The following JHY variants were observed in gnomAD, a reference collection of about 807,000 sequenced individuals.
JHY encodes the protein junctional cadherin complex regulator.
JHY carries 69 observed loss-of-function variants against 78.0 expected under a neutral mutation model. The ratio of observed to expected loss-of-function variants is 0.88; its 90% confidence interval spans 0.73 to 1.08. The LOEUF (loss-of-function observed/expected upper bound fraction) is 1.08, where lower values mean the gene tolerates loss of function less well. Among genes scored for constraint, JHY ranks in the 50% least tolerant of loss-of-function variants. The pLI is 0.00. For missense variants in JHY, 944 were observed against 927.8 expected, an observed-to-expected ratio of 1.02 and a Z score of -0.23; for synonymous variants, 368 against 342.6, an observed-to-expected ratio of 1.07 and a Z score of -0.82.
At chr11:122,937,853 T>C (rs1444616288) in intron 5 of JHY, among the ~76,000 whole-genome samples, 1 of 152,168 alleles carries the variant, frequency 6.6e-6, no homozygotes, top group Non-Finnish European at 1.5e-5. Context: ...CTTGCTGAAA[T>C]TATCTTTCTT....
At chr11:122,940,034 T>TA (rs201842639) in intron 5 of JHY, among the ~76,000 whole-genome samples, 15,553 of 143,782 alleles carry the variant, frequency 0.11, 822 homozygotes, top group East Asian at 0.19. Context: ...TCCCTTTAAT[T>TA]AAAAAAAAAA....
chr11:122,883,159 C>A lies in JHY; in HGVS notation c.-90+187C>A, dbSNP rs1432538887. ...AGGCCGCGACAAGGGGCTGGGGGGC[C>A]GCCATGCGAGGCTTCGGCGCCCGGG... On this transcript the variant is annotated intron_variant, in intron 1 of 8. Transcript: ENST00000227349. This position sits in a 1 kb window ranked among gnomAD's most constrained non-coding sequence, Gnocchi z 4.4. Among the ~76,000 whole-genome samples the A allele has an allele frequency of 6.6e-6, 1 of 152,068 alleles. No individual in the cohort carries two copies. The highest frequency in any genetic ancestry group is 1.5e-5 in the Non-Finnish European group (1 of 68,000).
intron 2 of JHY, among the ~76,000 whole-genome samples, chr11:122,900,902 G>A (rs1266315808): frequency 1.3e-5 from 2 of 152,186 alleles, no homozygotes; most frequent in African/African-American, 4.8e-5. Flanking sequence ...AGATAAAACC[G>A]TGCTTTCCCC....
intron 6 of JHY, among the ~76,000 whole-genome samples, chr11:122,951,136 T>G (rs562132883): frequency 6.6e-6 from 1 of 152,158 alleles, no homozygotes; most frequent in Non-Finnish European, 1.5e-5. Context: ...TCCAAGAGAA[T>G]CGCCCTGAAT....
intron 6 of JHY, among the ~76,000 whole-genome samples, chr11:122,948,215 G>A (rs1358333443): frequency 3.3e-5 from 5 of 151,920 alleles, no homozygotes; most frequent in African/African-American, 1.2e-4. Context: ...AGGCTGAGGT[G>A]TGTGGATCAC....
rs774260710 is a variant in JHY, at chr11:122,942,339, CT to C, written c.1635-4158del. Reference sequence around the variant, plus strand: ...TTCCTCTATGTTTTGGTTTTGTTTTCTCTTTTATCCATCTTTGTTCTCATAT... The same window carrying C: ...TTCCTCTATGTTTTGGTTTTGTTTTCCTTTTATCCATCTTTGTTCTCATAT... On this transcript the variant is annotated intron_variant, in intron 5 of 8. Coordinates refer to ENST00000227349, the MANE Select transcript of JHY (RefSeq NM_024806.4). 5.9e-5 allele frequency among the ~76,000 whole-genome samples: 9 copies of C among 152,228 alleles called. No homozygotes were observed. In the South Asian group the frequency reaches 1.5e-3, roughly 25 times the overall value.
At chr11:122,892,613 C>G (rs1035742150) in intron 2 of JHY, among the ~76,000 whole-genome samples, 1 of 152,104 alleles carries the variant, frequency 6.6e-6, no homozygotes, top group African/African-American at 2.4e-5. Flanking sequence ...TGAGCCACCG[C>G]GCCTGGCCAA....
Position 122,886,138 on chromosome 11 carries a change from G to C in JHY, c.289G>C (p.Ala97Pro). 3.1e-6 allele frequency: 5 copies of C among 1,614,116 alleles called. No individual in the cohort carries two copies. The highest frequency in any genetic ancestry group is 3.4e-6 in the Non-Finnish European group (4 of 1,180,000). The change falls in exon 2 of 9, where the codon GCT (alanine) becomes CCT (proline). Residue 97 changes from alanine (A) to proline (P), a missense_variant. Transcript: ENST00000227349. ...EMEEEASGKA[A>P]QMAREQNHHT... Reference sequence around the variant, plus strand: ...GGAAGAGGAAGCAAGTGGAAAAGCAGCTCAGATGGCTCGCGAGCAAAACCA... The same window carrying C: ...GGAAGAGGAAGCAAGTGGAAAAGCACCTCAGATGGCTCGCGAGCAAAACCA...
chr11:122,944,210 A>G (rs776230907), intron 5 of JHY, among the ~76,000 whole-genome samples: 11 of 152,096 alleles, frequency 7.2e-5, no homozygotes, highest in Non-Finnish European at 1.2e-4. Flanking sequence ...AAACAAACCA[A>G]CCAAAAAAGC....
intron 3 of JHY, among the ~76,000 whole-genome samples, chr11:122,921,382 T>C (rs954746467): frequency 1.3e-5 from 2 of 152,238 alleles, no homozygotes; most frequent in African/African-American, 4.8e-5. Flanking sequence ...GGCAGATCTA[T>C]GAAAGAGTTC....
chr11:122,959,165 A>C (rs3133337), intron 8 of JHY, 83 bp from the exon 9 acceptor site: 1 of 1,465,074 alleles, frequency 6.8e-7, no homozygotes, highest in Non-Finnish European at 9.2e-7. Context: ...CATTTATATT[A>C]TAAATAAACA....
chr11:122,891,018 C>G (rs1347716723), intron 2 of JHY, among the ~76,000 whole-genome samples: 1 of 151,996 alleles, frequency 6.6e-6, no homozygotes. Context: ...GTCTTCGAAG[C>G]CTCTCCTAGG....
chr11:122,909,855 A>G (rs1201909108), intron 3 of JHY, among the ~76,000 whole-genome samples: 1 of 152,238 alleles, frequency 6.6e-6, no homozygotes, highest in African/African-American at 2.4e-5. Flanking sequence ...TAGCAAGTAT[A>G]TAGGTATACA....
chr11:122,884,797 G>A (rs1383551805), intron 1 of JHY, among the ~76,000 whole-genome samples: 1 of 151,922 alleles, frequency 6.6e-6, no homozygotes, highest in Non-Finnish European at 1.5e-5. Context: ...ATCTTTTGTT[G>A]AACAGTTTTA....
rs560570152 is a variant in JHY, at chr11:122,898,837, C to T, written c.345-5088C>T. Among the ~76,000 whole-genome samples the T allele has an allele frequency of 3.4e-4, 51 of 152,220 alleles. No individual in the cohort carries two copies. The highest frequency in any genetic ancestry group is 5.2e-4 in the Admixed American group (8 of 15,280). On this transcript the variant is annotated intron_variant, in intron 2 of 8. Coordinates refer to ENST00000227349, the MANE Select transcript of JHY (RefSeq NM_024806.4). This position sits in a 1 kb window ranked among gnomAD's most constrained non-coding sequence, Gnocchi z 4.4. ...GTTTGCAACGTCCCTCGAGATCTGA[C>T]CTTTGCTTGCCCTTGAGCTGTGCTC...
At position 122,960,495 on chromosome 11, in the gene JHY, C is replaced by T. The variant is rs190698715; in HGVS notation, c.*1050C>T. ...TTCCTTTTCCTATAGAGGAAAAGTTCGTTTTGGGCTGATCCCTGAGGAATT... is the reference window on the plus strand; with the variant it reads ...TTCCTTTTCCTATAGAGGAAAAGTTTGTTTTGGGCTGATCCCTGAGGAATT... On this transcript the variant is annotated 3_prime_UTR_variant, in exon 9 of 9. Coordinates refer to ENST00000227349, the MANE Select transcript of JHY (RefSeq NM_024806.4). 1.3e-5 allele frequency: 3 copies of T among 229,384 alleles called. No individual in the cohort carries two copies. Among genetic ancestry groups the T allele is most frequent in the Admixed American group, 8.3e-5 (2 of 24,002 alleles). The allele number at this position is 229,384 out of a possible 1,614,324, so 14.2% of individuals were successfully genotyped here. A position where few individuals can be genotyped will look rare whatever the true frequency, so the allele number is the denominator to read the frequency against.
intron 5 of JHY, among the ~76,000 whole-genome samples, chr11:122,936,681 GATAACCCTTTTATTCCTAGGGTT>G (rs1257000874): frequency 6.6e-6 from 1 of 152,018 alleles, no homozygotes; most frequent in Non-Finnish European, 1.5e-5. Context: ...TGATTTTTCT[GATAACCCTTTTATTCCTAGGGTT>G]AACCCAATTT....
intron 2 of JHY, among the ~76,000 whole-genome samples, chr11:122,895,167 T>G (rs1052597562): frequency 1.3e-5 from 2 of 152,194 alleles, no homozygotes; most frequent in African/African-American, 4.8e-5. Context: ...AACTTTACAC[T>G]TAAACAAAAA....
chr11:122,948,823 T>C (rs1023889972), intron 6 of JHY, among the ~76,000 whole-genome samples: 7 of 151,822 alleles, frequency 4.6e-5, no homozygotes, highest in Non-Finnish European at 7.4e-5. Flanking sequence ...CGGTGGCTTA[T>C]GCCTGTAATC....
Sources: gnomAD v4.1 joint callset for allele counts (sites outside exome capture counted in the v4.1 genomes callset) on GRCh38, gnomAD v4.1.1 for gene constraint, Gnocchi (gnomAD v3.1) non-coding constraint, MANE v1.5 for transcripts, NCBI Gene and HGNC (gene_info 2026-07-23, HGNC 2026-07-21) for gene names.